NSMCE2: variants seen among roughly 807,000 people sequenced by gnomAD.
NSMCE2 encodes NSE2 SUMO ligase component of SMC5/6 complex, also known as E3 SUMO-protein ligase NSE2.
Under a neutral mutation model 23.8 loss-of-function variants are expected in NSMCE2, and 24 were observed. That is an observed-to-expected ratio of 1.01 (90% CI 0.73 to 1.42). The LOEUF is 1.42. NSMCE2 is among the 40% of genes most tolerant of loss of function. The probability of loss-of-function intolerance (pLI) is 0.00; values close to 1 mark genes in which losing one functional copy is unlikely to be tolerated. For missense variants in NSMCE2, 284 were observed against 296.5 expected, an observed-to-expected ratio of 0.96 and a Z score of 0.31; for synonymous variants, 92 against 94.1, an observed-to-expected ratio of 0.98 and a Z score of 0.13.
intron 5 of NSMCE2, among the ~76,000 whole-genome samples, chr8:125,346,145 G>A (rs1440257914): frequency 1.3e-5 from 2 of 150,970 alleles, no homozygotes; most frequent in Admixed American, 6.6e-5. Context: ...CTACAAGAGC[G>A]AAACTCCGTC....
chr8:125,304,960 A>AAGGAAGAAAG (rs1563773764), intron 5 of NSMCE2, among the ~76,000 whole-genome samples: 1 of 21,248 alleles, frequency 4.7e-5, no homozygotes, highest in African/African-American at 9.2e-5. Context: ...AGGAAGGAAG[A>AAGGAAGAAAG]AAGAAAGAAA....
chr8:125,255,833 G>A (rs892454502), intron 5 of NSMCE2, among the ~76,000 whole-genome samples: 5 of 152,162 alleles, frequency 3.3e-5, no homozygotes, highest in Non-Finnish European at 5.9e-5. Context: ...GGATTTCAGG[G>A]TATGAATTCT....
chr8:125,180,044 G>A (rs776151676), intron 4 of NSMCE2, among the ~76,000 whole-genome samples: 10 of 152,112 alleles, frequency 6.6e-5, no homozygotes, highest in Non-Finnish European at 1.5e-4. Flanking sequence ...CAGAAAGAGC[G>A]CCTATAATCC....
In NSMCE2 at chr8:125,127,390, A is replaced by G. The variant is rs78603397; in HGVS notation, c.158-23781A>G. Among the ~76,000 whole-genome samples, 1,047 of 152,280 alleles carry G rather than the reference A, an allele frequency of 6.9e-3. 13 individuals are homozygous for G. Among genetic ancestry groups the G allele is most frequent in the African/African-American group, 0.023 (954 of 41,560 alleles). On this transcript the variant is annotated intron_variant, in intron 3 of 7. Transcript: ENST00000287437. ...GGGGAGATTGTCTTCTTAATAGGAAAAAATGATGTTTATGATATGGTTTAA... is the reference window on the plus strand; with the variant it reads ...GGGGAGATTGTCTTCTTAATAGGAAGAAATGATGTTTATGATATGGTTTAA...
At chr8:125,260,506 T>A (rs1199779609) in intron 5 of NSMCE2, among the ~76,000 whole-genome samples, 1 of 150,396 alleles carries the variant, frequency 6.6e-6, no homozygotes, top group East Asian at 1.9e-4. Context: ...GCTCCCTCAC[T>A]TAGTGGACGT....
intron 5 of NSMCE2, among the ~76,000 whole-genome samples, chr8:125,279,643 T>C (rs1402848581): frequency 6.6e-6 from 1 of 152,202 alleles, no homozygotes; most frequent in East Asian, 1.9e-4. Context: ...ACTTTGATTT[T>C]TCTCTTTTTT....
intron 5 of NSMCE2, among the ~76,000 whole-genome samples, chr8:125,284,240 TA>T (rs756287808): frequency 1.3e-5 from 2 of 150,904 alleles, no homozygotes; most frequent in South Asian, 4.2e-4. Flanking sequence ...GCCACTTTGT[TA>T]AAAAAAATAC....
At chr8:125,319,345 G>C (rs1018041382) in intron 5 of NSMCE2, among the ~76,000 whole-genome samples, 2 of 152,068 alleles carry the variant, frequency 1.3e-5, no homozygotes, top group African/African-American at 4.8e-5. Flanking sequence ...CAAACAGGTA[G>C]CAGGAAAATA....
chr8:125,304,669 C>G (rs1294477719), intron 5 of NSMCE2, among the ~76,000 whole-genome samples: 1 of 151,896 alleles, frequency 6.6e-6, no homozygotes, highest in Admixed American at 6.6e-5. Flanking sequence ...CCAACCTGGC[C>G]AACATGGTGA....
At chr8:125,245,561 A>G (rs1315857562) in intron 5 of NSMCE2, among the ~76,000 whole-genome samples, 2 of 152,172 alleles carry the variant, frequency 1.3e-5, no homozygotes, top group African/African-American at 4.8e-5. Flanking sequence ...TAAGCTCGAT[A>G]GCATAAACAT....
chr8:125,363,560 G>A (rs978829785), intron 7 of NSMCE2, among the ~76,000 whole-genome samples: 2 of 141,112 alleles, frequency 1.4e-5, no homozygotes, highest in African/African-American at 5.2e-5. Flanking sequence ...GAGAGAGAGA[G>A]AGGGAGGGAG....
At chr8:125,259,350 G>C (rs1387540161) in intron 5 of NSMCE2, among the ~76,000 whole-genome samples, 2 of 152,132 alleles carry the variant, frequency 1.3e-5, no homozygotes, top group African/African-American at 4.8e-5. Flanking sequence ...CAGCCCACAA[G>C]CGAGCATTAC....
At chr8:125,349,320 A>C (rs1335740943) in intron 5 of NSMCE2, among the ~76,000 whole-genome samples, 1 of 152,234 alleles carries the variant, frequency 6.6e-6, no homozygotes, top group African/African-American at 2.4e-5. Flanking sequence ...CAGCCTTTCC[A>C]AATAAACTGT....
chr8:125,170,993 C>G (rs1001642173), intron 4 of NSMCE2, among the ~76,000 whole-genome samples: 2 of 152,176 alleles, frequency 1.3e-5, no homozygotes, highest in African/African-American at 4.8e-5. Context: ...TGTCCCACTT[C>G]GCACCCTGCT....
At chr8:125,314,915 G>A (rs1011147399) in intron 5 of NSMCE2, among the ~76,000 whole-genome samples, 3 of 152,210 alleles carry the variant, frequency 2.0e-5, no homozygotes, top group Non-Finnish European at 4.4e-5. Context: ...GAGATGTTGG[G>A]TGGAATGGGA....
intron 5 of NSMCE2, among the ~76,000 whole-genome samples, chr8:125,329,983 C>G (rs60712783): frequency 0.012 from 1,759 of 151,990 alleles, 39 homozygotes; most frequent in African/African-American, 0.039. Flanking sequence ...CCGAAAGAAC[C>G]ATCATTACCT....
At chr8:125,342,753 G>A (rs772339438) in intron 5 of NSMCE2, among the ~76,000 whole-genome samples, 3 of 151,958 alleles carry the variant, frequency 2.0e-5, no homozygotes, top group Non-Finnish European at 4.4e-5. Context: ...TGAAAACTAA[G>A]TACAGATGTC....
At chr8:125,337,619 G>A (rs1004455134) in intron 5 of NSMCE2, among the ~76,000 whole-genome samples, 1 of 152,250 alleles carries the variant, frequency 6.6e-6, no homozygotes, top group East Asian at 1.9e-4. Flanking sequence ...GTTTGGCCGG[G>A]CGTGGTGGCT....
At chr8:125,220,625 GA>G (rs1474587202) in intron 5 of NSMCE2, among the ~76,000 whole-genome samples, 1 of 149,996 alleles carries the variant, frequency 6.7e-6, no homozygotes, top group East Asian at 1.9e-4. Flanking sequence ...AGGATCTGGT[GA>G]GTTAACATCA....
Sources: gnomAD v4.1 joint callset for allele counts (sites outside exome capture counted in the v4.1 genomes callset) on GRCh38, gnomAD v4.1.1 for gene constraint, MANE v1.5 for transcripts, NCBI Gene and HGNC (gene_info 2026-07-23, HGNC 2026-07-21) for gene names.